GPBP1L1: variants seen among roughly 807,000 people sequenced by gnomAD.
The protein encoded by GPBP1L1 is vasculin-like protein 1.
Under a neutral mutation model 52.5 loss-of-function variants are expected in GPBP1L1, and 23 were observed. That is an observed-to-expected ratio of 0.44 (90% confidence interval 0.32 to 0.62). GPBP1L1 has a LOEUF of 0.62. Among genes scored for constraint, GPBP1L1 ranks in the 20% least tolerant of loss-of-function variants. The pLI, the probability that GPBP1L1 is intolerant of heterozygous loss-of-function variation, is 0.06. For synonymous variants in GPBP1L1, 243 were observed against 203.1 expected (o/e 1.20, Z -1.67); for missense variants, 596 against 579.3 (o/e 1.03, Z -0.30).
In GPBP1L1 at chr1:45,660,662, G is replaced by T; in HGVS notation, c.-534C>A. 1 of 582,850 alleles carries T rather than the reference G, an allele frequency of 1.7e-6. No individual in the cohort carries two copies. The highest frequency in any genetic ancestry group is 2.2e-6 in the Non-Finnish European group (1 of 462,268). 36.1% of individuals were successfully genotyped at this position (582,850 alleles called of 1,614,324 possible). ...AAGGTAATAGATCAAAAATATTAAA[G>T]CCCTATAAAAGATCTGAGCAGTCAA... On this transcript the variant is annotated 5_prime_UTR_variant, in exon 3 of 13. Transcript: ENST00000355105.
chr1:45,640,443 C>T (rs1442211127), intron 7 of GPBP1L1, 40 bp from the exon 8 acceptor site: 5 of 1,514,948 alleles, frequency 3.3e-6, no homozygotes, highest in African/African-American at 1.4e-5. Context: ...GAATGTCAAA[C>T]CTGTTGTGTA....
In GPBP1L1 at chr1:45,647,929, G is replaced by A. The variant is rs115650897; in HGVS notation, c.478-5430C>T. On this transcript the variant is annotated intron_variant, in intron 6 of 12. Coordinates refer to ENST00000355105, the MANE Select transcript of GPBP1L1 (RefSeq NM_021639.5). Reference sequence around the variant, plus strand: ...CTGCTCCTTGTATGTATGCATATATGTCTGTGTGTATGTTTTTTTCTTTTT... The same window carrying A: ...CTGCTCCTTGTATGTATGCATATATATCTGTGTGTATGTTTTTTTCTTTTT... 5.6e-3 allele frequency among the ~76,000 whole-genome samples: 847 copies of A among 152,128 alleles called. 5 individuals carry two copies. The highest frequency in any genetic ancestry group is 7.5e-3 in the Non-Finnish European group (509 of 67,994).
intron 2 of GPBP1L1, among the ~76,000 whole-genome samples, chr1:45,668,606 G>C (rs144349553): frequency 6.6e-6 from 1 of 151,696 alleles, no homozygotes; most frequent in Non-Finnish European, 1.5e-5. Context: ...GCAGTGAGCC[G>C]AGATCACACC....
At chr1:45,681,047 G>GAA (rs35534161) in intron 2 of GPBP1L1, among the ~76,000 whole-genome samples, 3 of 146,604 alleles carry the variant, frequency 2.0e-5, no homozygotes, top group Non-Finnish European at 4.5e-5. Flanking sequence ...ATACAAGTAG[G>GAA]AAAAAAAAAA....
chr1:45,662,047 A>G (rs1261662098), intron 2 of GPBP1L1, among the ~76,000 whole-genome samples: 1 of 152,182 alleles, frequency 6.6e-6, no homozygotes, highest in Non-Finnish European at 1.5e-5. Context: ...CTGGCTCTCA[A>G]TTCAGAGATT....
At position 45,685,578 on chromosome 1, in the gene GPBP1L1, T is replaced by C. The variant is rs1032033507; in HGVS notation, c.-1100A>G. 1.3e-5 allele frequency: 2 copies of C among 152,222 alleles called. No homozygotes were observed. Among genetic ancestry groups the C allele is most frequent in the Admixed American group, 6.5e-5 (1 of 15,284 alleles). The allele number at this position is 152,222 out of a possible 1,614,324, so 9.4% of individuals were successfully genotyped here. A position where few individuals can be genotyped will look rare whatever the true frequency, so the allele number is the denominator to read the frequency against. ...ATAGTCAACTTTGTGAGCCTCACCT[T>C]TGTTTTCACCCAGCATAAGGAGAGT... On this transcript the variant is annotated splice_region_variant and 5_prime_UTR_variant, in exon 2 of 13. Transcript: ENST00000355105.
intron 2 of GPBP1L1, among the ~76,000 whole-genome samples, chr1:45,678,042 C>T (rs1450327328): frequency 6.6e-6 from 1 of 152,140 alleles, no homozygotes; most frequent in Non-Finnish European, 1.5e-5. Context: ...CATTATGCTA[C>T]ATGAAAGAAG....
intron 8 of GPBP1L1, 197 bp from the exon 9 acceptor site, chr1:45,634,433 A>G (rs972254195): frequency 1.3e-5 from 6 of 478,988 alleles, no homozygotes; most frequent in African/African-American, 9.6e-5. Flanking sequence ...GGGATACAGA[A>G]GAGCCATTGG....
In GPBP1L1 at chr1:45,654,493, C is replaced by T. The variant is rs142536916; in HGVS notation, c.477+50G>A. The T allele has an allele frequency of 1.0e-4, 153 of 1,488,524 alleles. No homozygotes were observed. The East Asian group carries it at 3.2e-3, about 31-fold the overall frequency. The allele number at this position is 1,488,524 out of a possible 1,614,324, so 92.2% of individuals were successfully genotyped here. A position where few individuals can be genotyped will look rare whatever the true frequency, so the allele number is the denominator to read the frequency against. Reference sequence around the variant, plus strand: ...TCATTACTAACAGGGTCTCATATTTCAGACATTATTTGTTGGCTTCTAACC... The same window carrying T: ...TCATTACTAACAGGGTCTCATATTTTAGACATTATTTGTTGGCTTCTAACC... On this transcript the variant is annotated intron_variant, in intron 6 of 12. Coordinates refer to ENST00000355105, the MANE Select transcript of GPBP1L1 (RefSeq NM_021639.5).
chr1:45,657,867 T>G (rs1644903350), intron 4 of GPBP1L1, among the ~76,000 whole-genome samples: 1 of 151,884 alleles, frequency 6.6e-6, no homozygotes, highest in African/African-American at 2.4e-5. Context: ...ATGAGTAAAA[T>G]AAAATTGAAA....
chr1:45,655,301 C>T lies in GPBP1L1; in HGVS notation c.79G>A (p.Glu27Lys), dbSNP rs768034229. The T allele has an allele frequency of 7.4e-6, 12 of 1,613,898 alleles. No individual in the cohort carries two copies. The highest frequency in any genetic ancestry group is 2.2e-5 in the East Asian group (1 of 44,896). ...QSAKSPTATF[E>K]KHGEHLPRGE... ...CTGGGTAGGTGCTCTCCGTGTTTTT[C>T]GAAGGTGGCAGTAGGTGACTAAGAT... Residue 27 changes from glutamate to lysine, a missense_variant, in exon 5 of 13, where the codon GAA (glutamate) becomes AAA (lysine). Glu to Lys is a moderately conservative substitution (Grantham distance 56). Coordinates refer to ENST00000355105, the MANE Select transcript of GPBP1L1 (RefSeq NM_021639.5).
At chr1:45,672,805 G>C (rs1645090166) in intron 2 of GPBP1L1, among the ~76,000 whole-genome samples, 2 of 152,152 alleles carry the variant, frequency 1.3e-5, no homozygotes, top group South Asian at 4.1e-4. Flanking sequence ...AAGGTAGAGT[G>C]ACCATTTTCA....
intron 2 of GPBP1L1, among the ~76,000 whole-genome samples, chr1:45,677,278 G>C (rs1645158551): frequency 6.7e-6 from 1 of 150,034 alleles, no homozygotes; most frequent in African/African-American, 2.5e-5. Context: ...GGAGGTTGCA[G>C]TGAGTGAGCT....
Position 45,651,322 on chromosome 1 carries a change from G to A in GPBP1L1, c.477+3221C>T, listed in dbSNP as rs981178225. The A allele has an allele frequency of 4.0e-5, 15 of 378,496 alleles. 1 individual carries two copies. In the Admixed American group the frequency reaches 4.6e-4, roughly 12 times the overall value. The allele number at this position is 378,496 out of a possible 1,614,324, so 23.4% of individuals were successfully genotyped here. A position where few individuals can be genotyped will look rare whatever the true frequency, so the allele number is the denominator to read the frequency against. ...CCATTTTACGACACAGGGCAGGTAG[G>A]AAGACAACCAGCTTGATGGGATCCA... On this transcript the variant is annotated intron_variant, in intron 6 of 12. Transcript: ENST00000355105.
chr1:45,632,714 C>A (rs1644546262), intron 10 of GPBP1L1, among the ~76,000 whole-genome samples: 1 of 152,090 alleles, frequency 6.6e-6, no homozygotes, highest in South Asian at 2.1e-4. Flanking sequence ...CAGACTCTGT[C>A]TCAAAATAAA....
chr1:45,654,460 A>G, intron 6 of GPBP1L1, 83 bp downstream of exon 6: 3 of 1,264,456 alleles, frequency 2.4e-6, no homozygotes, highest in Non-Finnish European at 3.3e-6. Flanking sequence ...GTAATTTCTG[A>G]AATGTTCTCA....
intron 2 of GPBP1L1, among the ~76,000 whole-genome samples, chr1:45,681,626 C>A (rs997860471): frequency 1.3e-5 from 2 of 152,224 alleles, no homozygotes; most frequent in Admixed American, 1.3e-4. Context: ...TCATTAAAGA[C>A]AACTTCTCTA....
intron 2 of GPBP1L1, among the ~76,000 whole-genome samples, chr1:45,669,848 C>G (rs1017083440): frequency 2.3e-4 from 35 of 152,254 alleles, no homozygotes; most frequent in African/African-American, 8.2e-4. Context: ...ATTCTTAGAA[C>G]TTATATCCAT....
chr1:45,638,539 T>C (rs1308532413), intron 8 of GPBP1L1, among the ~76,000 whole-genome samples: 2 of 152,226 alleles, frequency 1.3e-5, no homozygotes, highest in Non-Finnish European at 2.9e-5. Flanking sequence ...TACTATCCCA[T>C]TCTTTACTCC....
Sources: gnomAD v4.1 joint callset for allele counts (sites outside exome capture counted in the v4.1 genomes callset) on GRCh38, gnomAD v4.1.1 for gene constraint, MANE v1.5 for transcripts, NCBI Gene and HGNC (gene_info 2026-07-23, HGNC 2026-07-21) for gene names.